HIVEP3: variants seen among roughly 807,000 people sequenced by gnomAD.
HIVEP3 encodes the protein transcription factor HIVEP3.
In HIVEP3, 49 loss-of-function variants were observed where a neutral mutation model predicts 152.8. The ratio of observed to expected loss-of-function variants is 0.32; its 90% CI spans 0.26 to 0.41. The LOEUF (loss-of-function observed/expected upper bound fraction) is 0.41, where lower values mean the gene tolerates loss of function less well. Among genes scored for constraint, HIVEP3 ranks in the 10% least tolerant of loss-of-function variants. The pLI, the probability that HIVEP3 is intolerant of heterozygous loss-of-function variation, is 1.00. For synonymous variants in HIVEP3, 1,269 were observed against 1,289.0 expected, an observed-to-expected ratio of 0.98 and a Z score of 0.33; for missense variants, 2,790 against 3,103.3, an observed-to-expected ratio of 0.90 and a Z score of 2.40.
At chr1:41,714,375 G>A (rs912439369) in intron 1 of HIVEP3, among the ~76,000 whole-genome samples, 1 of 152,204 alleles carries the variant, frequency 6.6e-6, no homozygotes, top group African/African-American at 2.4e-5. Flanking sequence ...TGGGTACCAT[G>A]CCACCTTCGC....
At position 41,972,834 on chromosome 1, in the gene HIVEP3, C is replaced by A. The variant is rs533429323; in HGVS notation, n.120-54310G>T. On this transcript the variant is annotated intron_variant and non_coding_transcript_variant, in intron 1 of 3. Coordinates refer to the HIVEP3 transcript ENST00000489103. ...TTAAATTCTTTGAAAAGTTTGAGTA[C>A]CTTTAAGCACTTTTTCTCTGAGTGG... is the stretch of plus-strand genomic sequence containing the variant. Among the ~76,000 whole-genome samples the A allele has an allele frequency of 2.0e-5, 3 of 152,114 alleles. No homozygotes were observed. In the South Asian group the frequency reaches 6.2e-4, roughly 32 times the overall value.
intron 5 of HIVEP3, chr1:41,535,697 C>T (rs1260790411): frequency 6.6e-6 from 1 of 152,046 alleles, no homozygotes; most frequent in Non-Finnish European, 1.5e-5. Flanking sequence ...CTCATGGACT[C>T]AAAGGAAAAG....
At chr1:41,545,518 TCAC>T (rs144017145) in intron 5 of HIVEP3, among the ~76,000 whole-genome samples, 3,330 of 72,864 alleles carry the variant, frequency 0.046, 78 homozygotes, top group South Asian at 0.085. Context: ...ATCGCTACCA[TCAC>T]CACCACTACC....
chr1:41,803,582 C>T (rs1175471243), intron 1 of HIVEP3, among the ~76,000 whole-genome samples: 2 of 152,188 alleles, frequency 1.3e-5, no homozygotes, highest in Admixed American at 6.5e-5. Context: ...AAACTGCTTC[C>T]ATAGGTACCC....
rs140486971 is a variant in HIVEP3, at chr1:41,510,825, C to T, written c.6847G>A (p.Gly2283Arg). Residue 2283 changes from glycine (G) to arginine (R), a missense_variant, in exon 9 of 9, where the codon GGA (glycine) becomes AGA (arginine). Gly to Arg is a moderately radical substitution (Grantham distance 125, BLOSUM62 -2). Around this residue, in one of 9 missense-constraint regions of HIVEP3, gnomAD observed 816 missense variants for 806.5 expected, o/e 1.01. Coordinates refer to ENST00000372583, the MANE Select transcript of HIVEP3 (RefSeq NM_024503.5). ...CAGTCAGGAGGCCTGCCCGGGCCTC[C>T]GCCGGTCCTCTCCCTCTCCTTGGGG... ...DYPKERERTGGGPGRPPDWTP... is the reference protein window; with the variant it reads ...DYPKERERTGRGPGRPPDWTP... 151 of 1,612,788 alleles carry T rather than the reference C, an allele frequency of 9.4e-5. 1 individual carries two copies. In the African/African-American group the frequency reaches 1.7e-3, roughly 19 times the overall value.
intron 5 of HIVEP3, among the ~76,000 whole-genome samples, chr1:41,553,209 T>C (rs891607825): frequency 5.3e-5 from 8 of 152,252 alleles, no homozygotes; most frequent in Admixed American, 5.2e-4. Flanking sequence ...ATATTTAGGA[T>C]AGTTAGCTCT....
chr1:41,646,302 C>A (rs1369504309), intron 2 of HIVEP3, among the ~76,000 whole-genome samples: 1 of 152,178 alleles, frequency 6.6e-6, no homozygotes, highest in African/African-American at 2.4e-5. Flanking sequence ...AGTGTCAGGG[C>A]CAGGGGCAAA....
At chr1:41,592,108 C>T (rs1644596708) in intron 3 of HIVEP3, among the ~76,000 whole-genome samples, 2 of 152,134 alleles carry the variant, frequency 1.3e-5, no homozygotes, top group South Asian at 2.1e-4. Context: ...GGTCTCCTCA[C>T]CACAGGCAGC....
At chr1:41,996,458 A>G (rs1458983230) in intron 1 of HIVEP3, among the ~76,000 whole-genome samples, 1 of 151,676 alleles carries the variant, frequency 6.6e-6, no homozygotes, top group Non-Finnish European at 1.5e-5. Flanking sequence ...GGACTCATAG[A>G]GTCCCATAGA....
intron 3 of HIVEP3, among the ~76,000 whole-genome samples, chr1:41,602,105 G>C (rs1417388609): frequency 6.6e-6 from 1 of 152,036 alleles, no homozygotes; most frequent in East Asian, 1.9e-4. Flanking sequence ...ACTTGGTCAT[G>C]GTGTATGATC....
intron 6 of HIVEP3, among the ~76,000 whole-genome samples, chr1:41,522,757 GC>G (rs2149051483): frequency 1.3e-5 from 2 of 152,356 alleles, no homozygotes; most frequent in South Asian, 4.1e-4. Flanking sequence ...AATTGAGTGG[GC>G]CCCCTGTGGG....
Position 41,583,559 on chromosome 1 carries a change from G to A in HIVEP3, c.1239C>T (p.Ser413=). The part of the protein sequence containing the change: ...QVSPPNTNAK[S]YAEIIFGKCG... ...ACTTGCCAAAGATGATCTCAGCGTA[G>A]GACTTGGCGTTGGTGTTTGGGGGGC... Residue 413 remains serine (S), a synonymous_variant, in exon 4 of 9, where the codon TCC becomes TCT. Transcript: ENST00000372583. The surrounding 1 kb of genome is among the most constrained non-coding windows in gnomAD (Gnocchi z 6.9). 6.2e-7 allele frequency: 1 copy of A among 1,614,170 alleles called. No individual in the cohort carries two copies. The highest frequency in any genetic ancestry group is 8.5e-7 in the Non-Finnish European group (1 of 1,180,030).
intron 1 of HIVEP3, among the ~76,000 whole-genome samples, chr1:41,740,817 T>C (rs1296879517): frequency 1.3e-5 from 2 of 152,200 alleles, no homozygotes; most frequent in African/African-American, 2.4e-5. Flanking sequence ...CATCCACAGA[T>C]GTGTGACCCA....
intron 1 of HIVEP3, among the ~76,000 whole-genome samples, chr1:42,011,146 G>A (rs1264072721): frequency 6.6e-6 from 1 of 152,134 alleles, no homozygotes; most frequent in Non-Finnish European, 1.5e-5. Context: ...CATTTCAGAA[G>A]ATTCCAAGAA....
At chr1:41,590,460 CTCCATTTTG>C (rs1221403515) in intron 3 of HIVEP3, among the ~76,000 whole-genome samples, 3 of 152,202 alleles carry the variant, frequency 2.0e-5, no homozygotes, top group African/African-American at 7.2e-5. Flanking sequence ...CCCTCCACCT[CTCCATTTTG>C]TCAGGAAGGA....
intron 1 of HIVEP3, among the ~76,000 whole-genome samples, chr1:41,997,289 A>C (rs995440823): frequency 3.3e-5 from 5 of 152,220 alleles, no homozygotes; most frequent in Non-Finnish European, 7.3e-5. Flanking sequence ...ATGTGTGGCC[A>C]TGTGGCCTTG....
At chr1:42,000,723 C>G (rs1645422422) in intron 1 of HIVEP3, among the ~76,000 whole-genome samples, 1 of 152,100 alleles carries the variant, frequency 6.6e-6, no homozygotes, top group African/African-American at 2.4e-5. Flanking sequence ...AAATCAGCAC[C>G]CAAAAACCCT....
intron 1 of HIVEP3, among the ~76,000 whole-genome samples, chr1:41,982,955 T>C (rs1168104120): frequency 6.6e-6 from 1 of 152,186 alleles, no homozygotes; most frequent in Admixed American, 6.5e-5. Context: ...AACTTTTCCA[T>C]AGACCGGTAG....
At chr1:41,671,175 A>C (rs888021323) in intron 2 of HIVEP3, among the ~76,000 whole-genome samples, 1 of 152,214 alleles carries the variant, frequency 6.6e-6, no homozygotes, top group Non-Finnish European at 1.5e-5. Flanking sequence ...AGCCCAGGAA[A>C]GCACCACAGG....
Sources: gnomAD v4.1 joint callset for allele counts (sites outside exome capture counted in the v4.1 genomes callset) on GRCh38, gnomAD v4.1.1 for gene constraint, gnomAD v4.1.1 regional missense constraint, Gnocchi (gnomAD v3.1) non-coding constraint, MANE v1.5 for transcripts, NCBI Gene and HGNC (gene_info 2026-07-23, HGNC 2026-07-21) for gene names.